The following MUCL1 variants were observed in gnomAD, a reference collection of about 807,000 sequenced individuals.
MUCL1 encodes mucin-like protein 1.
Under a neutral mutation model 9.2 loss-of-function variants are expected in MUCL1, and 11 were observed. The observed-to-expected ratio is 1.19, with a 90% CI of 0.75 to 1.97. The LOEUF (loss-of-function observed/expected upper bound fraction) is 1.97, where lower values mean the gene tolerates loss of function less well. Ranked by LOEUF, MUCL1 falls within the 30% of genes most tolerant of loss-of-function variation. The pLI is 0.00. For missense variants in MUCL1, 144 were observed against 110.9 expected (o/e 1.30, Z -1.34); for synonymous variants, 48 against 40.5 (o/e 1.19, Z -0.71).
intron 1 of MUCL1, among the ~76,000 whole-genome samples, chr12:54,849,196 G>A (rs1314504807): frequency 6.6e-6 from 1 of 151,958 alleles, no homozygotes; most frequent in Non-Finnish European, 1.5e-5. Context: ...ACAAATATAT[G>A]GTCACTTGCA....
chr12:54,842,858 C>A (rs1180870518), intron 1 of MUCL1, among the ~76,000 whole-genome samples: 2 of 152,094 alleles, frequency 1.3e-5, no homozygotes, highest in Admixed American at 6.5e-5. Context: ...ATGCACCATG[C>A]AACAGTGCTT....
chr12:54,856,251 T>C (rs1283877711), intron 2 of MUCL1, among the ~76,000 whole-genome samples: 2 of 146,184 alleles, frequency 1.4e-5, no homozygotes, highest in African/African-American at 4.9e-5. Context: ...TAGAACCTGA[T>C]AGAAGATATC....
At chr12:54,845,576 C>T (rs1007964269) in intron 1 of MUCL1, among the ~76,000 whole-genome samples, 2 of 152,000 alleles carry the variant, frequency 1.3e-5, no homozygotes, top group Admixed American at 6.6e-5. Context: ...TTGTGGTTGA[C>T]TTTTTTGTTC....
chr12:54,839,648 T>C lies in MUCL1; in HGVS notation c.43+201T>C, dbSNP rs78172775. 1.2e-4 allele frequency among the ~76,000 whole-genome samples: 18 copies of C among 152,316 alleles called. No homozygotes were observed. In the East Asian group the frequency reaches 3.3e-3, roughly 28 times the overall value. ...GTTTCAGCTATTTAGATCAGACAGG[T>C]ACCTCTTTTCTTCTTCAGGAATGCT... is the stretch of plus-strand genomic sequence containing the variant. On this transcript the variant is annotated intron_variant, in intron 1 of 3. Transcript: ENST00000546809.
upstream of MUCL1, among the ~76,000 whole-genome samples, chr12:54,835,433 T>C (rs1959191378): frequency 6.6e-6 from 1 of 152,146 alleles, no homozygotes; most frequent in Non-Finnish European, 1.5e-5. Context: ...TTTTTTGACT[T>C]TTTAATAATG....
At chr12:54,841,629 G>A (rs1959212573) in intron 1 of MUCL1, among the ~76,000 whole-genome samples, 1 of 152,120 alleles carries the variant, frequency 6.6e-6, no homozygotes, top group African/African-American at 2.4e-5. Context: ...TGTTGGCTAT[G>A]TGTATGTGTT....
At chr12:54,839,962 T>A (rs1282749089) in intron 1 of MUCL1, among the ~76,000 whole-genome samples, 2 of 152,140 alleles carry the variant, frequency 1.3e-5, no homozygotes, top group African/African-American at 4.8e-5. Context: ...AAGCAGAAAG[T>A]TCTGGGACTC....
rs75700591 is a variant in MUCL1 at position 54,842,055 on chromosome 12, C to T, written c.43+2608C>T. 7.5e-3 allele frequency among the ~76,000 whole-genome samples: 1,141 copies of T among 152,048 alleles called. 77 individuals are homozygous for T. In the East Asian group the frequency reaches 0.17, roughly 22 times the overall value. ...AGAAAAGAATCAACTAATTAGTTTCCAAAAACAAATTCCCTACAATTTATG... is the reference window on the plus strand; with the variant it reads ...AGAAAAGAATCAACTAATTAGTTTCTAAAAACAAATTCCCTACAATTTATG... On this transcript the variant is annotated intron_variant, in intron 1 of 3. Transcript: ENST00000546809.
At chr12:54,840,837 G>A (rs903631547) in intron 1 of MUCL1, among the ~76,000 whole-genome samples, 1 of 152,106 alleles carries the variant, frequency 6.6e-6, no homozygotes, top group Non-Finnish European at 1.5e-5. Context: ...CAGCTCCCAC[G>A]CATTTGGCAA....
upstream of MUCL1, among the ~76,000 whole-genome samples, chr12:54,838,793 T>A (rs1003199492): frequency 5.3e-4 from 80 of 152,260 alleles, no homozygotes; most frequent in Non-Finnish European, 3.5e-4. Context: ...CTTTAAGATA[T>A]CTATCTCTTT....
upstream of MUCL1, among the ~76,000 whole-genome samples, chr12:54,853,941 G>T (rs1255108360): frequency 6.6e-6 from 1 of 152,150 alleles, no homozygotes; most frequent in Non-Finnish European, 1.5e-5. Flanking sequence ...TTTATACAAT[G>T]GTTGCTAAAT....
upstream of MUCL1, among the ~76,000 whole-genome samples, chr12:54,837,880 TC>T (rs1959195818): frequency 6.6e-6 from 1 of 152,266 alleles, no homozygotes; most frequent in Non-Finnish European, 1.5e-5. Flanking sequence ...CCAATTTGTA[TC>T]TTTTAAGTGG....
intron 2 of MUCL1, chr12:54,855,421 G>A (rs935239233): frequency 1.9e-5 from 8 of 431,222 alleles, no homozygotes; most frequent in Admixed American, 7.0e-5. Flanking sequence ...CCAGCATAAG[G>A]CACAAGAGCA....
At chr12:54,843,594 GTCTTTT>G (rs1481627920) in intron 1 of MUCL1, among the ~76,000 whole-genome samples, 1 of 152,176 alleles carries the variant, frequency 6.6e-6, no homozygotes, top group Non-Finnish European at 1.5e-5. Flanking sequence ...AATCGCAAGG[GTCTTTT>G]AAATGTGGAA....
upstream of MUCL1, among the ~76,000 whole-genome samples, chr12:54,850,257 C>G (rs1959317087): frequency 6.6e-6 from 1 of 151,764 alleles, no homozygotes; most frequent in Non-Finnish European, 1.5e-5. Flanking sequence ...GGTGCTGCAC[C>G]CATTAACTCG....
chr12:54,840,665 C>T (rs1959206158), intron 1 of MUCL1, among the ~76,000 whole-genome samples: 1 of 152,184 alleles, frequency 6.6e-6, no homozygotes, highest in Non-Finnish European at 1.5e-5. Context: ...AAGTCCCACA[C>T]TCTGGCTATC....
At chr12:54,851,102 C>T (rs1018549815), upstream of MUCL1, among the ~76,000 whole-genome samples, 17 of 152,192 alleles carry the variant, frequency 1.1e-4, no homozygotes, top group African/African-American at 3.9e-4. Context: ...TTCTCCTATT[C>T]TGTAGGTTGC....
chr12:54,849,995 A>G (rs1959312509), upstream of MUCL1, among the ~76,000 whole-genome samples: 3 of 152,106 alleles, frequency 2.0e-5, no homozygotes, highest in Non-Finnish European at 4.4e-5. Context: ...GCAACTGCAG[A>G]CCAGCTTCAG....
At chr12:54,831,435 T>A (rs1659000668) in intron 1 of MUCL1, among the ~76,000 whole-genome samples, 1 of 152,142 alleles carries the variant, frequency 6.6e-6, no homozygotes, top group African/African-American at 2.4e-5. Context: ...GTAATCAGCA[T>A]TAAGTATAAT....
Sources: gnomAD v4.1 joint callset for allele counts (sites outside exome capture counted in the v4.1 genomes callset) on GRCh38, gnomAD v4.1.1 for gene constraint, MANE v1.5 for transcripts, NCBI Gene and HGNC (gene_info 2026-07-23, HGNC 2026-07-21) for gene names.